OSBP: variants seen among roughly 807,000 people sequenced by gnomAD.
OSBP encodes oxysterol binding protein, also known as oxysterol-binding protein 1.
OSBP carries 32 observed loss-of-function variants against 96.6 expected under a neutral mutation model. The ratio of observed to expected loss-of-function variants is 0.33; its 90% CI spans 0.25 to 0.45. OSBP has a LOEUF of 0.45. OSBP is among the 20% of genes least tolerant of loss of function. The pLI, the probability that OSBP is intolerant of heterozygous loss-of-function variation, is 1.00. For missense variants in OSBP, 653 were observed against 1,029.7 expected, an observed-to-expected ratio of 0.63 and a Z score of 5.01; for synonymous variants, 369 against 389.6, an observed-to-expected ratio of 0.95 and a Z score of 0.62.
chr11:59,608,473 T>A lies in OSBP; in HGVS notation c.822+11A>T. On this transcript the variant is annotated intron_variant, in intron 3 of 13. Coordinates refer to ENST00000263847, the MANE Select transcript of OSBP (RefSeq NM_002556.3). ...GAATCAAAAAGCAACACAGACACCA[T>A]CTGCACTCACGTTGATCATGGCATT... 1.2e-6 allele frequency: 2 copies of A among 1,614,162 alleles called. No individual in the cohort carries two copies. Among genetic ancestry groups the A allele is most frequent in the Non-Finnish European group, 1.7e-6 (2 of 1,179,984 alleles).
intron 1 of OSBP, among the ~76,000 whole-genome samples, chr11:59,613,332 T>G (rs974409229): frequency 6.6e-6 from 1 of 152,180 alleles, no homozygotes; most frequent in Admixed American, 6.5e-5. Flanking sequence ...CTAGCTCTTG[T>G]AAGGGAGAAG....
intron 3 of OSBP, among the ~76,000 whole-genome samples, chr11:59,605,775 T>C (rs879788202): frequency 2.0e-5 from 3 of 152,220 alleles, no homozygotes; most frequent in Non-Finnish European, 2.9e-5. Context: ...ACATCAATTA[T>C]CTGACAAAAG....
chr11:59,588,233 G>A (rs1393226748), intron 9 of OSBP, among the ~76,000 whole-genome samples: 1 of 152,112 alleles, frequency 6.6e-6, no homozygotes, highest in Non-Finnish European at 1.5e-5. Context: ...TGGGGAGGGA[G>A]AATAGAAAAT....
At chr11:59,601,107 T>A in intron 5 of OSBP, among the ~76,000 whole-genome samples, 176 bp downstream of exon 5, 1 of 114,442 alleles carries the variant, frequency 8.7e-6, no homozygotes. Context: ...TACAAAGAGA[T>A]CTTGAGACAA....
intron 5 of OSBP, 114 bp downstream of exon 5, chr11:59,601,169 A>T (rs1860720120): frequency 1.5e-6 from 1 of 658,234 alleles, no homozygotes; most frequent in Non-Finnish European, 2.6e-6. Context: ...TGACAATTAT[A>T]ATACTCTCAC....
chr11:59,614,751 G>C (rs1034733421), intron 1 of OSBP, among the ~76,000 whole-genome samples: 20 of 152,224 alleles, frequency 1.3e-4, no homozygotes, highest in African/African-American at 4.8e-4. Flanking sequence ...AGATAAGGCA[G>C]AAAGGGGACG....
chr11:59,593,490 C>A, intron 9 of OSBP, 114 bp downstream of exon 9: 2 of 1,137,382 alleles, frequency 1.8e-6, no homozygotes, highest in Non-Finnish European at 1.3e-6. Flanking sequence ...TAGTGAGGGT[C>A]AGTGCTCGAA....
At chr11:59,614,139 T>C (rs1424576846) in intron 1 of OSBP, among the ~76,000 whole-genome samples, 2 of 152,214 alleles carry the variant, frequency 1.3e-5, no homozygotes, top group African/African-American at 4.8e-5. Context: ...ATCCATAAAA[T>C]TACTTGCTAT....
chr11:59,605,045 T>G (rs1479127353), intron 3 of OSBP, among the ~76,000 whole-genome samples: 3 of 151,412 alleles, frequency 2.0e-5, no homozygotes, highest in Non-Finnish European at 2.9e-5. Context: ...CCCAGCTACT[T>G]GGGAGGCTGA....
At chr11:59,593,902 G>A (rs1860616591) in intron 8 of OSBP, 108 bp downstream of exon 8, 13 of 1,454,552 alleles carry the variant, frequency 8.9e-6, no homozygotes, top group Non-Finnish European at 8.3e-6. Context: ...AATAAAAGCT[G>A]GGATGACAGG....
chr11:59,583,098 G>A (rs1418506114), intron 9 of OSBP, among the ~76,000 whole-genome samples: 1 of 152,106 alleles, frequency 6.6e-6, no homozygotes, highest in Non-Finnish European at 1.5e-5. Flanking sequence ...ATCACTTGAG[G>A]TCAGGTGTTC....
Position 59,610,650 on chromosome 11 carries a change from T to C in OSBP, c.363-61A>G, listed in dbSNP as rs577730735. On this transcript the variant is annotated intron_variant, in intron 1 of 13. Coordinates refer to ENST00000263847, the MANE Select transcript of OSBP (RefSeq NM_002556.3). ...GTTGACGGTTTATCCTTTATCACAT[T>C]CCATTTCTTTTCATAACTCTGAGCT... 944 of 1,345,032 alleles carry C rather than the reference T, an allele frequency of 7.0e-4. 2 individuals carry two copies. Among genetic ancestry groups the C allele is most frequent in the Non-Finnish European group, 9.0e-4 (849 of 938,508 alleles). The allele number at this position is 1,345,032 out of a possible 1,614,324, so 83.3% of individuals were successfully genotyped here.
At chr11:59,605,556 ATTTC>A (rs1275778652) in intron 3 of OSBP, among the ~76,000 whole-genome samples, 12 of 151,528 alleles carry the variant, frequency 7.9e-5, no homozygotes, top group Admixed American at 7.9e-4. Context: ...TAATTTTTTT[ATTTC>A]TTTTAGTAGA....
intron 9 of OSBP, among the ~76,000 whole-genome samples, chr11:59,582,156 G>A (rs1391714158): frequency 2.0e-5 from 3 of 152,178 alleles, no homozygotes; most frequent in African/African-American, 4.8e-5. Context: ...GTTATTTACG[G>A]TGGACCTTGA....
chr11:59,600,387 A>C (rs1590675101), intron 7 of OSBP, 109 bp downstream of exon 7: 1 of 1,172,208 alleles, frequency 8.5e-7, no homozygotes, highest in Non-Finnish European at 1.2e-6. Context: ...GGTAAAAAAG[A>C]CCATGCCACA....
Position 59,584,489 on chromosome 11 carries a change from T to C in OSBP, c.1679-2935A>G, listed in dbSNP as rs548332191. 3.9e-5 allele frequency among the ~76,000 whole-genome samples: 6 copies of C among 152,160 alleles called. No individual in the cohort carries two copies. The East Asian group carries it at 1.2e-3, about 29-fold the overall frequency. On this transcript the variant is annotated intron_variant, in intron 9 of 13. Coordinates refer to ENST00000263847, the MANE Select transcript of OSBP (RefSeq NM_002556.3). Reference sequence around the variant, plus strand: ...TGGAATGCAAGGATGGTTGAACACATAAAAACTGGTAAATGCAATACACCA... The same window carrying C: ...TGGAATGCAAGGATGGTTGAACACACAAAAACTGGTAAATGCAATACACCA...
rs760287754 is a variant in OSBP at position 59,578,307 on chromosome 11, T to C, written c.1902A>G (p.Pro634=). 1 of 1,614,242 alleles carries C rather than the reference T, an allele frequency of 6.2e-7. No homozygotes were observed. The highest frequency in any genetic ancestry group is 1.7e-5 in the Admixed American group (1 of 60,028). The change falls in exon 12 of 14, where the codon CCA becomes CCG. Residue 634 remains proline, a synonymous_variant. Transcript: ENST00000263847. ...GAAGAGCAAAGTGGACTTTTCCTGATGGATCTGTCACTTCCCCCGTCACCT... is the reference window on the plus strand; with the variant it reads ...GAAGAGCAAAGTGGACTTTTCCTGACGGATCTGTCACTTCCCCCGTCACCT... ...ARKVTGEVTD[P]SGKVHFALLG...
chr11:59,587,202 CA>C (rs1201239655), intron 9 of OSBP, among the ~76,000 whole-genome samples: 1 of 152,010 alleles, frequency 6.6e-6, no homozygotes, highest in Non-Finnish European at 1.5e-5. Context: ...GAACTCAAGT[CA>C]AAAGTGGGGA....
chr11:59,594,883 C>T (rs564582180), intron 7 of OSBP, among the ~76,000 whole-genome samples: 8 of 152,172 alleles, frequency 5.3e-5, no homozygotes, highest in Non-Finnish European at 1.0e-4. Context: ...CTGAAGCCAG[C>T]TTAAGGCGAC....
Sources: gnomAD v4.1 joint callset for allele counts (sites outside exome capture counted in the v4.1 genomes callset) on GRCh38, gnomAD v4.1.1 for gene constraint, MANE v1.5 for transcripts, NCBI Gene and HGNC (gene_info 2026-07-23, HGNC 2026-07-21) for gene names.